The following SEPTIN14 variants were observed in gnomAD, a reference collection of about 807,000 sequenced individuals.
The protein encoded by SEPTIN14 is septin-14.
Under a neutral mutation model 53.6 loss-of-function variants are expected in SEPTIN14, and 40 were observed. That is an observed-to-expected ratio of 0.75 (90% CI 0.58 to 0.97). The LOEUF (loss-of-function observed/expected upper bound fraction) is 0.97, where lower values mean the gene tolerates loss of function less well. Among genes scored for constraint, SEPTIN14 ranks in the 50% least tolerant of loss-of-function variants. SEPTIN14 has a pLI of 0.00. For missense variants in SEPTIN14, 471 were observed against 508.2 expected (o/e 0.93, Z 0.70); for synonymous variants, 138 against 166.8 (o/e 0.83, Z 1.33).
chr7:55,834,785 G>C (rs1010402298), intron 5 of SEPTIN14, among the ~76,000 whole-genome samples, 199 bp from the exon 6 acceptor site: 11 of 152,170 alleles, frequency 7.2e-5, no homozygotes, highest in Non-Finnish European at 1.5e-5. Flanking sequence ...TGGGACCACA[G>C]GCACCCGCCA....
intron 8 of SEPTIN14, among the ~76,000 whole-genome samples, chr7:55,805,704 G>T (rs1788600419): frequency 6.6e-6 from 1 of 152,010 alleles, no homozygotes; most frequent in African/African-American, 2.4e-5. Flanking sequence ...TAAGATCAGA[G>T]TATATAGACA....
intron 1 of SEPTIN14, among the ~76,000 whole-genome samples, chr7:55,862,429 G>T (rs1584278902): frequency 6.6e-6 from 1 of 151,812 alleles, no homozygotes; most frequent in African/African-American, 2.4e-5. Context: ...TACCAGAGGA[G>T]GCTTAGGCAT....
At chr7:55,838,517 C>T (rs977477204) in intron 5 of SEPTIN14, among the ~76,000 whole-genome samples, 181 of 114,314 alleles carry the variant, frequency 1.6e-3, no homozygotes, top group African/African-American at 5.5e-3. Context: ...TCCCTCCCTC[C>T]CTCCCTCCCC....
intron 7 of SEPTIN14, among the ~76,000 whole-genome samples, chr7:55,813,019 G>A (rs1429639290): frequency 6.6e-6 from 1 of 151,698 alleles, no homozygotes; most frequent in Non-Finnish European, 1.5e-5. Flanking sequence ...GCGCAATCTC[G>A]GCTTACTGCA....
intron 7 of SEPTIN14, among the ~76,000 whole-genome samples, chr7:55,814,775 A>G (rs1398734438): frequency 3.9e-5 from 6 of 152,232 alleles, no homozygotes; most frequent in Non-Finnish European, 7.3e-5. Flanking sequence ...AATACCAATG[A>G]CATTCTTCAT....
intron 9 of SEPTIN14, among the ~76,000 whole-genome samples, chr7:55,802,680 G>T (rs370838619): frequency 3.9e-5 from 6 of 151,938 alleles, no homozygotes; most frequent in African/African-American, 7.3e-5. Context: ...CCTTAACTTG[G>T]GTCTGACAAT....
rs774599158 is a variant in SEPTIN14, at chr7:55,796,005, T to A, written c.1207A>T (p.Ile403Phe). Residue 403 changes from isoleucine to phenylalanine, a missense_variant, in exon 10 of 10, where the codon ATC becomes TTC. Ile to Phe is a conservative substitution (Grantham distance 21). Coordinates refer to ENST00000388975, the MANE Select transcript of SEPTIN14 (RefSeq NM_207366.3). Reference protein sequence around the residue: ...EEEKKQLEGEIIDFYKMKAAS... With the variant: ...EEEKKQLEGEFIDFYKMKAAS... ...GCTTTCATTTTATAAAAATCTATGA[T>A]TTCTCCTTCCAGTTGTTTTTTCTCT... 3.8e-6 allele frequency: 6 copies of A among 1,568,340 alleles called. No homozygotes were observed. The African/African-American group carries it at 6.7e-5, about 18-fold the overall frequency.
intron 6 of SEPTIN14, among the ~76,000 whole-genome samples, chr7:55,833,895 ATAAGGGACTAC>A (rs1789158102): frequency 6.6e-6 from 1 of 152,156 alleles, no homozygotes; most frequent in African/African-American, 2.4e-5. Context: ...AAACAGAATT[ATAAGGGACTAC>A]TATGAACAAT....
At chr7:55,855,710 C>T (rs764864896) in intron 2 of SEPTIN14, among the ~76,000 whole-genome samples, 2 of 152,070 alleles carry the variant, frequency 1.3e-5, no homozygotes, top group South Asian at 2.1e-4. Flanking sequence ...CGTGCCACCA[C>T]GCCCAACTAA....
At chr7:55,842,640 C>G (rs369228587) in intron 5 of SEPTIN14, among the ~76,000 whole-genome samples, 1 of 150,624 alleles carries the variant, frequency 6.6e-6, no homozygotes, top group African/African-American at 2.4e-5. Flanking sequence ...AGGCTGGGCA[C>G]GGTGGCTCAC....
intron 7 of SEPTIN14, among the ~76,000 whole-genome samples, chr7:55,817,427 G>A (rs1788811364): frequency 6.6e-6 from 1 of 151,098 alleles, no homozygotes; most frequent in Non-Finnish European, 1.5e-5. Flanking sequence ...GAGATCTATT[G>A]TACAACATAG....
At chr7:55,845,482 T>C (rs550620335) in intron 3 of SEPTIN14, among the ~76,000 whole-genome samples, 3 of 152,294 alleles carry the variant, frequency 2.0e-5, no homozygotes, top group South Asian at 4.1e-4. Context: ...TTGAGATCTA[T>C]TGCACAGCAG....
At chr7:55,799,376 C>T (rs1026284548) in intron 9 of SEPTIN14, among the ~76,000 whole-genome samples, 6 of 150,812 alleles carry the variant, frequency 4.0e-5, no homozygotes, top group Non-Finnish European at 7.4e-5. Context: ...AAATTAGCCA[C>T]GCCTTGTAGT....
intron 6 of SEPTIN14, among the ~76,000 whole-genome samples, chr7:55,829,406 A>C (rs1375094072): frequency 6.6e-6 from 1 of 151,506 alleles, no homozygotes; most frequent in Non-Finnish European, 1.5e-5. Context: ...AAAGAAAAGA[A>C]AGAAAATTGA....
intron 5 of SEPTIN14, among the ~76,000 whole-genome samples, chr7:55,838,686 C>T (rs1789252206): frequency 6.6e-6 from 1 of 151,780 alleles, no homozygotes; most frequent in Non-Finnish European, 1.5e-5. Context: ...CAAGCAATCC[C>T]ACAGGTGCAC....
chr7:55,812,899 T>C (rs1788725627), intron 7 of SEPTIN14, among the ~76,000 whole-genome samples: 1 of 151,538 alleles, frequency 6.6e-6, no homozygotes, highest in Non-Finnish European at 1.5e-5. Flanking sequence ...GTGACTGCCC[T>C]GCCACAGTGC....
At chr7:55,834,992 T>C (rs1297276015) in intron 5 of SEPTIN14, among the ~76,000 whole-genome samples, 5 of 152,116 alleles carry the variant, frequency 3.3e-5, no homozygotes, top group Non-Finnish European at 5.9e-5. Flanking sequence ...GACAACAAAT[T>C]GCATAACTAG....
chr7:55,840,070 G>C (rs564882716), intron 5 of SEPTIN14, among the ~76,000 whole-genome samples: 8 of 147,740 alleles, frequency 5.4e-5, no homozygotes. Flanking sequence ...CCTTGAACCT[G>C]GGAGACGGAG....
chr7:55,834,512 T>C lies in SEPTIN14; in HGVS notation c.633A>G (p.Ile211Met). ...TGCCATTGCTAATCAATTCACTCAT[T>C]ATCTTATTCTTAAACGTCTGTAAAT... The part of the protein sequence containing the change: ...KNDLQTFKNK[I>M]MSELISNGIQ... Residue 211 changes from isoleucine to methionine, a missense_variant, in exon 6 of 10, where the codon ATA becomes ATG. Physicochemically the swap from Ile to Met is conservative, Grantham distance 10 (BLOSUM62 1). Transcript: ENST00000388975. 1.9e-6 allele frequency: 3 copies of C among 1,612,042 alleles called. No homozygotes were observed. The highest frequency in any genetic ancestry group is 2.5e-6 in the Non-Finnish European group (3 of 1,178,154).
Sources: gnomAD v4.1 joint callset for allele counts (sites outside exome capture counted in the v4.1 genomes callset) on GRCh38, gnomAD v4.1.1 for gene constraint, MANE v1.5 for transcripts, NCBI Gene and HGNC (gene_info 2026-07-23, HGNC 2026-07-21) for gene names.